Variants in UIMC1 observed in about 807,000 individuals in gnomAD.
UIMC1 encodes ubiquitin interaction motif containing 1.
Under a neutral mutation model 84.9 loss-of-function variants are expected in UIMC1, and 42 were observed. That is an observed-to-expected ratio of 0.49 (90% CI 0.39 to 0.64). The LOEUF (loss-of-function observed/expected upper bound fraction) is 0.64, where lower values mean the gene tolerates loss of function less well. Among genes scored for constraint, UIMC1 ranks in the 30% least tolerant of loss-of-function variants. The pLI is 0.00. For synonymous variants in UIMC1, 281 were observed against 293.0 expected (o/e 0.96, Z 0.42); for missense variants, 825 against 847.6 (o/e 0.97, Z 0.33).
chr5:176,972,454 G>A (rs377104630), intron 3 of UIMC1, among the ~76,000 whole-genome samples: 10 of 151,426 alleles, frequency 6.6e-5, no homozygotes, highest in East Asian at 3.9e-4. Context: ...CATAAACCTC[G>A]GCCAGGAGCG....
chr5:176,943,200 G>C, intron 10 of UIMC1, 135 bp downstream of exon 10: 1 of 1,122,334 alleles, frequency 8.9e-7, no homozygotes, highest in South Asian at 2.0e-5. Context: ...AAAATAACTA[G>C]ATAGAAAAAA....
intron 3 of UIMC1, among the ~76,000 whole-genome samples, chr5:176,973,061 G>A (rs1420674045): frequency 6.6e-6 from 1 of 151,918 alleles, no homozygotes; most frequent in African/African-American, 2.4e-5. Context: ...GATTATAGGT[G>A]CCTGCCACCA....
At chr5:176,972,413 A>T (rs971277057) in intron 3 of UIMC1, among the ~76,000 whole-genome samples, 1 of 151,752 alleles carries the variant, frequency 6.6e-6, no homozygotes, top group African/African-American at 2.4e-5. Flanking sequence ...AAAAAAAAAA[A>T]AATCAATTCT....
At chr5:176,958,234 G>T in intron 6 of UIMC1, 80 bp from the exon 7 acceptor site, 2 of 1,176,174 alleles carry the variant, frequency 1.7e-6, no homozygotes, top group Non-Finnish European at 2.4e-6. Context: ...AAATTTAATT[G>T]TTCAATGTTC....
intron 1 of UIMC1, among the ~76,000 whole-genome samples, chr5:176,997,027 C>T (rs888977197): frequency 1.3e-5 from 2 of 152,058 alleles, no homozygotes; most frequent in African/African-American, 2.4e-5. Flanking sequence ...TATGTGCACG[C>T]GTGCGCACAC....
chr5:176,914,562 CAAAT>C (rs140561035), intron 10 of UIMC1, among the ~76,000 whole-genome samples: 113 of 152,302 alleles, frequency 7.4e-4, no homozygotes, highest in African/African-American at 2.7e-3. Context: ...CATACACACT[CAAAT>C]AACTACAACC....
In UIMC1 at chr5:176,908,752, G is replaced by C. The variant is rs771616539; in HGVS notation, c.1677-58C>G. ...TTTTAAGATGTGCTTTTGCCTCTGG[G>C]CCCCTGGATATGTCTCAAATTGTGT... is the stretch of plus-strand genomic sequence containing the variant. On this transcript the variant is annotated intron_variant, in intron 11 of 14. Transcript: ENST00000511320. 10 of 1,555,274 alleles carry C rather than the reference G, an allele frequency of 6.4e-6. No homozygotes were observed. In the Admixed American group the frequency reaches 1.3e-4, roughly 20 times the overall value.
chr5:176,980,875 G>A (rs1210254747), intron 2 of UIMC1, among the ~76,000 whole-genome samples: 1 of 151,870 alleles, frequency 6.6e-6, no homozygotes, highest in Non-Finnish European at 1.5e-5. Context: ...CAAGTATCTG[G>A]GACTACAGGC....
chr5:177,008,889 T>C (rs955725659), upstream of UIMC1, among the ~76,000 whole-genome samples: 1 of 152,138 alleles, frequency 6.6e-6, no homozygotes, highest in Non-Finnish European at 1.5e-5. Context: ...CTGTGAGAAA[T>C]AGCCATATGG....
rs546752528 is a variant in UIMC1 at position 176,906,526 on chromosome 5, G to A, written c.1913-479C>T. On this transcript the variant is annotated intron_variant, in intron 13 of 14. Transcript: ENST00000511320. ...ACATCTGGTGAATTTTAACAATAGC[G>A]ACTAATAACAACAGTAATAATAGCA... Among the ~76,000 whole-genome samples, 271 of 152,264 alleles carry A rather than the reference G, an allele frequency of 1.8e-3. 3 individuals are homozygous for A. Among genetic ancestry groups the A allele is most frequent in the South Asian group, 0.013 (61 of 4,826 alleles).
chr5:176,975,892 T>C (rs1052699331), intron 2 of UIMC1, among the ~76,000 whole-genome samples: 2 of 152,042 alleles, frequency 1.3e-5, no homozygotes, highest in South Asian at 2.1e-4. Flanking sequence ...AGAGGGTAAA[T>C]GAAAAATCCT....
chr5:176,995,825 A>G (rs1414550902), intron 1 of UIMC1, among the ~76,000 whole-genome samples: 6 of 145,068 alleles, frequency 4.1e-5, no homozygotes, highest in Non-Finnish European at 9.0e-5. Flanking sequence ...CCTGGGCAAC[A>G]AGAGTGAAAC....
chr5:176,988,181 A>C (rs1772310866), intron 1 of UIMC1, among the ~76,000 whole-genome samples: 4 of 151,424 alleles, frequency 2.6e-5, no homozygotes, highest in Admixed American at 2.0e-4. Flanking sequence ...GGGAAACGCA[A>C]ATCAAAACCA....
intron 1 of UIMC1, among the ~76,000 whole-genome samples, chr5:176,988,613 T>C (rs79613826): frequency 0.027 from 4,048 of 151,996 alleles, 204 homozygotes; most frequent in African/African-American, 0.092. Flanking sequence ...CACAACACTG[T>C]GAATTTATTA....
chr5:176,971,842 G>A (rs56942920), intron 3 of UIMC1, among the ~76,000 whole-genome samples: 20,044 of 151,966 alleles, frequency 0.13, 1,676 homozygotes, highest in East Asian at 0.19. Context: ...CCGGGAGGCG[G>A]AGGTTGCAAT....
At chr5:176,914,002 CCATAG>C (rs767743593) in intron 10 of UIMC1, among the ~76,000 whole-genome samples, 3 of 142,164 alleles carry the variant, frequency 2.1e-5, no homozygotes, top group African/African-American at 8.8e-5. Flanking sequence ...CCATACCATA[CCATAG>C]CATACCATAC....
intron 6 of UIMC1, among the ~76,000 whole-genome samples, chr5:176,959,647 C>T (rs1226403261): frequency 7.1e-6 from 1 of 139,978 alleles, no homozygotes; most frequent in African/African-American, 2.7e-5. Flanking sequence ...ACCCGGGAGG[C>T]GGAGCTTGCA....
intron 6 of UIMC1, among the ~76,000 whole-genome samples, chr5:176,959,641 G>A (rs925053698): frequency 6.8e-6 from 1 of 147,918 alleles, no homozygotes; most frequent in South Asian, 2.2e-4. Context: ...GCGTGAACCC[G>A]GGAGGCGGAG....
rs746176901 is a variant in UIMC1 at position 176,951,453 on chromosome 5, AAT to A, written c.1443+19_1443+20del. On this transcript the variant is annotated intron_variant, in intron 9 of 14. Transcript: ENST00000511320. ...CAACGGAAAGAAACCACTGAGAAAA[AAT>A]ATAGAGGAAAATATTCACCTCCTTA... 3 of 1,491,334 alleles carry A rather than the reference AAT, an allele frequency of 2.0e-6. No homozygotes were observed. The highest frequency in any genetic ancestry group is 2.4e-5 in the Admixed American group (1 of 41,626). 92.4% of individuals were successfully genotyped at this position (1,491,334 alleles called of 1,614,324 possible). A position where few individuals can be genotyped will look rare whatever the true frequency, so the allele number is the denominator to read the frequency against.
Sources: allele counts gnomAD v4.1 joint callset (sites outside exome capture counted in the v4.1 genomes callset), GRCh38; gene constraint gnomAD v4.1.1; transcripts MANE v1.5; gene names NCBI Gene and HGNC (gene_info 2026-07-23, HGNC 2026-07-21).